HEATR5A: variants seen among roughly 807,000 people sequenced by gnomAD.
HEATR5A encodes HEAT repeat-containing protein 5A.
In HEATR5A, 178 loss-of-function variants were observed where a neutral mutation model predicts 218.8. The observed-to-expected ratio is 0.81, with a 90% confidence interval of 0.72 to 0.92. The LOEUF is 0.92. Ranked by LOEUF, HEATR5A falls within the 40% of genes least tolerant of loss-of-function variation. HEATR5A has a pLI of 0.00. For missense variants in HEATR5A, 2,420 were observed against 2,418.9 expected, an observed-to-expected ratio of 1.00 and a Z score of -0.01; for synonymous variants, 864 against 871.6, an observed-to-expected ratio of 0.99 and a Z score of 0.15.
intron 21 of HEATR5A, chr14:31,340,351 G>A: frequency 3.9e-6 from 2 of 517,338 alleles, no homozygotes; most frequent in East Asian, 1.6e-4. Context: ...CTTAAAAAAA[G>A]AGATGCAGAG....
chr14:31,314,537 G>A (rs1182607037), intron 27 of HEATR5A, among the ~76,000 whole-genome samples: 1 of 152,080 alleles, frequency 6.6e-6, no homozygotes, highest in African/African-American at 2.4e-5. Flanking sequence ...GATTACAGGT[G>A]TGAGCTACCG....
intron 4 of HEATR5A, among the ~76,000 whole-genome samples, chr14:31,397,902 C>T (rs1341341704): frequency 2.6e-5 from 4 of 152,168 alleles, no homozygotes; most frequent in African/African-American, 9.7e-5. Flanking sequence ...GTGATCCTCC[C>T]ATCTCCTCTC....
At chr14:31,407,312 C>G (rs987937709) in intron 1 of HEATR5A, among the ~76,000 whole-genome samples, 1 of 152,080 alleles carries the variant, frequency 6.6e-6, no homozygotes, top group Non-Finnish European at 1.5e-5. Context: ...TGTGGATATA[C>G]GGAACTAGAG....
intron 6 of HEATR5A, among the ~76,000 whole-genome samples, chr14:31,389,625 C>T (rs769898578): frequency 5.3e-4 from 81 of 152,178 alleles, no homozygotes; most frequent in Non-Finnish European, 5.9e-4. Flanking sequence ...AGCTGGGTTT[C>T]TCCCTGTGAC....
intron 1 of HEATR5A, among the ~76,000 whole-genome samples, chr14:31,415,147 T>C (rs575262374): frequency 6.6e-6 from 1 of 152,312 alleles, no homozygotes; most frequent in South Asian, 2.1e-4. Context: ...TGGTTCCTAC[T>C]TTTAATTCAC....
At chr14:31,402,141 G>T (rs943734332) in intron 2 of HEATR5A, among the ~76,000 whole-genome samples, 3 of 152,118 alleles carry the variant, frequency 2.0e-5, no homozygotes, top group Non-Finnish European at 2.9e-5. Context: ...GTTTTGGAAT[G>T]CTACTATTTT....
At chr14:31,379,065 C>T (rs1334432630) in intron 11 of HEATR5A, among the ~76,000 whole-genome samples, 4 of 150,568 alleles carry the variant, frequency 2.7e-5, no homozygotes, top group African/African-American at 7.3e-5. Flanking sequence ...CCTCAGCCTC[C>T]CCTGTAGCTG....
At chr14:31,407,151 C>T (rs944871957) in intron 1 of HEATR5A, among the ~76,000 whole-genome samples, 1 of 151,908 alleles carries the variant, frequency 6.6e-6, no homozygotes, top group Non-Finnish European at 1.5e-5. Flanking sequence ...ATTAGCTGGG[C>T]ATGGTGGTGC....
chr14:31,340,730 T>G (rs765082250), intron 21 of HEATR5A, among the ~76,000 whole-genome samples: 4 of 152,238 alleles, frequency 2.6e-5, no homozygotes, highest in Non-Finnish European at 5.9e-5. Context: ...ATGTGATTAA[T>G]TTTAGGTTTT....
Position 31,371,840 on chromosome 14 carries a change from G to T in HEATR5A, c.1931C>A (p.Pro644Gln). ...TAGCAAATCCACAGCACAAGGAAGT[G>T]GTGGAAGAAGACGCTGAGTTACTTC... ...TEEVTQRLLP[P>Q]LPCAVDLLTQ... The change falls in exon 13 of 36, where the codon CCA becomes CAA. Residue 644 changes from proline (P) to glutamine (Q), a missense_variant. Pro to Gln is a moderately conservative substitution (Grantham distance 76, BLOSUM62 -1). Coordinates refer to ENST00000543095, the MANE Select transcript of HEATR5A (RefSeq NM_015473.4). 6.5e-7 allele frequency: 1 copy of T among 1,545,856 alleles called. No homozygotes were observed. Among genetic ancestry groups the T allele is most frequent in the Admixed American group, 2.0e-5 (1 of 50,810 alleles).
intron 6 of HEATR5A, among the ~76,000 whole-genome samples, chr14:31,392,132 G>T (rs908926921): frequency 2.6e-5 from 4 of 152,114 alleles, no homozygotes. Flanking sequence ...TTTTGACAGA[G>T]AACTATGTAA....
chr14:31,417,258 G>C (rs1323205020), intron 1 of HEATR5A, among the ~76,000 whole-genome samples: 3 of 151,758 alleles, frequency 2.0e-5, no homozygotes, highest in African/African-American at 7.3e-5. Flanking sequence ...CTCTTCCCTA[G>C]ACTTACAAAA....
chr14:31,373,108 G>C (rs373140980), intron 12 of HEATR5A, among the ~76,000 whole-genome samples: 1 of 152,028 alleles, frequency 6.6e-6, no homozygotes, highest in African/African-American at 2.4e-5. Flanking sequence ...TTTTTGTAGA[G>C]AGAGCAGTTC....
At chr14:31,303,574 C>A (rs1332574820) in intron 32 of HEATR5A, among the ~76,000 whole-genome samples, 1 of 152,192 alleles carries the variant, frequency 6.6e-6, no homozygotes, top group African/African-American at 2.4e-5. Context: ...CAAGACATTT[C>A]TCTTTTATAT....
At chr14:31,380,871 A>C (rs2029950383) in intron 10 of HEATR5A, among the ~76,000 whole-genome samples, 1 of 152,216 alleles carries the variant, frequency 6.6e-6, no homozygotes, top group African/African-American at 2.4e-5. Context: ...ATAGAATTTG[A>C]ATTTACTTTT....
At chr14:31,334,945 C>CAAAAAAAAAAA (rs58661759) in intron 22 of HEATR5A, among the ~76,000 whole-genome samples, 2 of 96,638 alleles carry the variant, frequency 2.1e-5, no homozygotes, top group Non-Finnish European at 3.9e-5. Context: ...GATTCCATCT[C>CAAAAAAAAAAA]AAAAAAAAAA....
Position 31,388,960 on chromosome 14 carries a change from A to G in HEATR5A, c.818T>C (p.Leu273Pro). ...SIRRVSLEEV[L>P]ELLGTGFLRG... ...TAGAAACCCTGTTCCTAGTAATTCC[A>G]GAACTTCCTCCAAAGATACTCTGCG... The change falls in exon 7 of 36, where the codon CTG (leucine) becomes CCG (proline). Residue 273 changes from leucine to proline, a missense_variant. Transcript: ENST00000543095. 1 of 1,613,792 alleles carries G rather than the reference A, an allele frequency of 6.2e-7. No homozygotes were observed. Among genetic ancestry groups the G allele is most frequent in the Non-Finnish European group, 8.5e-7 (1 of 1,179,744 alleles).
intron 31 of HEATR5A, 29 bp from the exon 32 acceptor site, chr14:31,305,206 T>C: frequency 1.3e-6 from 2 of 1,599,120 alleles, no homozygotes; most frequent in South Asian, 1.1e-5. Context: ...TTTAATACTT[T>C]GTGCTTGCTC....
chr14:31,398,137 G>A (rs565143760), intron 4 of HEATR5A, among the ~76,000 whole-genome samples: 1 of 152,298 alleles, frequency 6.6e-6, no homozygotes, highest in South Asian at 2.1e-4. Flanking sequence ...GGGTGTTCCA[G>A]AGGAGTAAGT....
Sources: allele counts gnomAD v4.1 joint callset (sites outside exome capture counted in the v4.1 genomes callset), GRCh38; gene constraint gnomAD v4.1.1; transcripts MANE v1.5; gene names NCBI Gene and HGNC (gene_info 2026-07-23, HGNC 2026-07-21).